The following FAT3 variants were observed in gnomAD, a reference collection of about 807,000 sequenced individuals.
FAT3 encodes FAT atypical cadherin 3.
Under a neutral mutation model 310.2 loss-of-function variants are expected in FAT3, and 95 were observed. That is an observed-to-expected ratio of 0.31 (90% confidence interval 0.26 to 0.36). FAT3 has a LOEUF of 0.36. FAT3 is among the 10% of genes least tolerant of loss of function. The pLI, the probability that FAT3 is intolerant of heterozygous loss-of-function variation, is 1.00. For missense variants in FAT3, 5,408 were observed against 5,715.6 expected (o/e 0.95, Z 1.74); for synonymous variants, 2,314 against 2,192.9 (o/e 1.06, Z -1.54).
chr11:92,390,067 T>C (rs1262390094), intron 2 of FAT3, among the ~76,000 whole-genome samples: 1 of 151,932 alleles, frequency 6.6e-6, no homozygotes, highest in Non-Finnish European at 1.5e-5. Context: ...ACATCAAAAA[T>C]GACAGTTTTA....
intron 3 of FAT3, among the ~76,000 whole-genome samples, chr11:92,554,124 G>A (rs1954923001): frequency 1.3e-5 from 2 of 151,908 alleles, no homozygotes; most frequent in Admixed American, 1.3e-4. Flanking sequence ...CTTTGTTATT[G>A]TGAGATGCAG....
chr11:92,650,377 A>G (rs1237587951), intron 3 of FAT3, among the ~76,000 whole-genome samples: 1 of 152,168 alleles, frequency 6.6e-6, no homozygotes, highest in African/African-American at 2.4e-5. Context: ...GCCTCGCTAC[A>G]TACCTATCCT....
intron 1 of FAT3, among the ~76,000 whole-genome samples, chr11:92,290,011 C>T (rs979713324): frequency 6.6e-6 from 1 of 152,102 alleles, no homozygotes; most frequent in Non-Finnish European, 1.5e-5. Flanking sequence ...CACACTGTCC[C>T]CTCTTGTTCC....
chr11:92,592,318 C>CTTTTTTT (rs753531647), intron 3 of FAT3, among the ~76,000 whole-genome samples: 8 of 108,238 alleles, frequency 7.4e-5, no homozygotes, highest in South Asian at 3.2e-4. Flanking sequence ...TCCTAATTGT[C>CTTTTTTT]TTTTTTTTTT....
intron 2 of FAT3, among the ~76,000 whole-genome samples, chr11:92,404,589 T>C (rs1040627729): frequency 6.6e-6 from 1 of 151,736 alleles, no homozygotes; most frequent in Non-Finnish European, 1.5e-5. Context: ...TGGATGAAAC[T>C]GACCTACTGG....
At chr11:92,572,476 T>C (rs2135507952) in intron 3 of FAT3, among the ~76,000 whole-genome samples, 1 of 152,324 alleles carries the variant, frequency 6.6e-6, no homozygotes, top group East Asian at 1.9e-4. Context: ...AATGCTGTTC[T>C]CTGTGCAGCT....
chr11:92,793,958 T>C (rs889926226), intron 9 of FAT3, among the ~76,000 whole-genome samples: 4 of 152,164 alleles, frequency 2.6e-5, no homozygotes, highest in Admixed American at 2.0e-4. Flanking sequence ...GTTCTTTCAT[T>C]GAATGATAAC....
intron 13 of FAT3, among the ~76,000 whole-genome samples, chr11:92,829,556 C>A (rs1948187428): frequency 1.3e-5 from 2 of 152,134 alleles, no homozygotes; most frequent in Admixed American, 6.6e-5. Context: ...ATCACCTATG[C>A]AACCCGTGTG....
intron 1 of FAT3, among the ~76,000 whole-genome samples, chr11:92,258,841 G>A (rs1449060361): frequency 6.6e-6 from 1 of 151,904 alleles, no homozygotes; most frequent in African/African-American, 2.4e-5. Context: ...TGGAGCAGGT[G>A]GAATGAAGAC....
chr11:92,599,846 C>A (rs1218669332), intron 3 of FAT3, among the ~76,000 whole-genome samples: 1 of 152,168 alleles, frequency 6.6e-6, no homozygotes, highest in Middle Eastern at 3.2e-3. Context: ...CAAAGTACTT[C>A]TTTTGATTAT....
At chr11:92,841,878 G>A (rs373044489) in intron 18 of FAT3, among the ~76,000 whole-genome samples, 3 of 152,116 alleles carry the variant, frequency 2.0e-5, no homozygotes, top group Non-Finnish European at 1.5e-5. Flanking sequence ...AGCCTCCTGG[G>A]TGCTTCCTCT....
chr11:92,847,822 C>T (rs1210602083), intron 19 of FAT3, among the ~76,000 whole-genome samples: 1 of 152,082 alleles, frequency 6.6e-6, no homozygotes, highest in Admixed American at 6.5e-5. Flanking sequence ...AAAAATACAA[C>T]CATGAATTGT....
chr11:92,648,886 C>G (rs764936269), intron 3 of FAT3, among the ~76,000 whole-genome samples: 4 of 152,156 alleles, frequency 2.6e-5, no homozygotes, highest in Non-Finnish European at 5.9e-5. Context: ...ATGGATCACA[C>G]CGGAATACTG....
chr11:92,821,721 T>A (rs142454200), intron 13 of FAT3, among the ~76,000 whole-genome samples: 143 of 152,268 alleles, frequency 9.4e-4, no homozygotes, highest in Non-Finnish European at 1.7e-3. Context: ...CACCTATAGA[T>A]GGAGAAATTA....
At chr11:92,679,125 A>G (rs183100571) in intron 3 of FAT3, among the ~76,000 whole-genome samples, 2 of 152,310 alleles carry the variant, frequency 1.3e-5, no homozygotes, top group East Asian at 1.9e-4. Flanking sequence ...TGCAAGAGAC[A>G]TGATTTCATT....
intron 2 of FAT3, among the ~76,000 whole-genome samples, chr11:92,493,025 C>G (rs1952653948): frequency 6.6e-6 from 1 of 152,046 alleles, no homozygotes; most frequent in Admixed American, 6.6e-5. Context: ...TTCTCTCCCT[C>G]AAACTTAAGT....
rs75465237 is a variant in FAT3 at position 92,568,207 on chromosome 11, G to A, written c.3607+43259G>A. 6.4e-3 allele frequency among the ~76,000 whole-genome samples: 973 copies of A among 152,194 alleles called. 10 individuals carry two copies. The highest frequency in any genetic ancestry group is 0.02 in the Middle Eastern group (6 of 294). ...CCTGTTAGTAGAGAATCAGCAGAGTGGAGGCAATCACAATGCATTTTGCAA... is the reference window on the plus strand; with the variant it reads ...CCTGTTAGTAGAGAATCAGCAGAGTAGAGGCAATCACAATGCATTTTGCAA... On this transcript the variant is annotated intron_variant, in intron 3 of 27. Transcript: ENST00000525166.
intron 6 of FAT3, 60 bp from the exon 7 acceptor site, chr11:92,773,981 A>G (rs1326651551): frequency 1.1e-5 from 18 of 1,591,496 alleles, no homozygotes; most frequent in Non-Finnish European, 1.5e-5. Flanking sequence ...AAGATATATG[A>G]TATAATGCAT....
chr11:92,320,486 T>C (rs528244294), intron 1 of FAT3, among the ~76,000 whole-genome samples: 5 of 152,226 alleles, frequency 3.3e-5, no homozygotes, highest in Non-Finnish European at 5.9e-5. Flanking sequence ...TTAGAGTTAA[T>C]GTATATTTTG....
Sources: gnomAD v4.1 joint callset for allele counts (sites outside exome capture counted in the v4.1 genomes callset) on GRCh38, gnomAD v4.1.1 for gene constraint, MANE v1.5 for transcripts, NCBI Gene and HGNC (gene_info 2026-07-23, HGNC 2026-07-21) for gene names.